The following TNKS variants were observed in gnomAD, a reference collection of about 807,000 sequenced individuals.
TNKS encodes the protein tankyrase.
TNKS carries 72 observed loss-of-function variants against 135.8 expected under a neutral mutation model. The observed-to-expected ratio is 0.53, with a 90% CI of 0.44 to 0.64. The LOEUF (loss-of-function observed/expected upper bound fraction) is 0.64. Among genes scored for constraint, TNKS ranks in the 30% least tolerant of loss-of-function variants. TNKS has a pLI of 0.00. For missense variants in TNKS, 1,769 were observed against 1,674.0 expected (o/e 1.06, Z -0.99); for synonymous variants, 849 against 649.3 (o/e 1.31, Z -4.68).
intron 2 of TNKS, among the ~76,000 whole-genome samples, chr8:9,600,432 G>C (rs1169684075): frequency 6.6e-6 from 1 of 152,080 alleles, no homozygotes; most frequent in Non-Finnish European, 1.5e-5. Context: ...TCCCACTTCA[G>C]CTTCCCAAGT....
chr8:9,756,708 A>C (rs6992418), intron 20 of TNKS, among the ~76,000 whole-genome samples: 1 of 152,164 alleles, frequency 6.6e-6, no homozygotes, highest in Non-Finnish European at 1.5e-5. Flanking sequence ...TTACCCAGCT[A>C]CAGAATTTTG....
At chr8:9,595,012 G>C (rs1017450321) in intron 2 of TNKS, among the ~76,000 whole-genome samples, 15 of 152,120 alleles carry the variant, frequency 9.9e-5, no homozygotes, top group African/African-American at 3.6e-4. Flanking sequence ...ATTCAGTGAA[G>C]CCTTGAAAAT....
chr8:9,590,995 C>T (rs1798570810), intron 2 of TNKS, among the ~76,000 whole-genome samples: 1 of 152,148 alleles, frequency 6.6e-6, no homozygotes, highest in African/African-American at 2.4e-5. Flanking sequence ...AACCCTAGAT[C>T]ATGATTTAAC....
chr8:9,717,956 A>C (rs749480760), intron 11 of TNKS, among the ~76,000 whole-genome samples: 58 of 152,282 alleles, frequency 3.8e-4, no homozygotes, highest in Non-Finnish European at 7.1e-4. Context: ...AAATACAAAC[A>C]ATACATTTTC....
At chr8:9,661,028 G>T (rs1163960891) in intron 3 of TNKS, among the ~76,000 whole-genome samples, 1 of 151,094 alleles carries the variant, frequency 6.6e-6, no homozygotes, top group Non-Finnish European at 1.5e-5. Flanking sequence ...ACTTACAAGG[G>T]ACGTGAAGGA....
intron 1 of TNKS, among the ~76,000 whole-genome samples, chr8:9,567,573 G>A (rs947353695): frequency 7.2e-5 from 11 of 151,962 alleles, no homozygotes; most frequent in Non-Finnish European, 1.5e-4. Flanking sequence ...CCGCCACCAC[G>A]CCCGGCTAAT....
At chr8:9,746,382 T>G (rs1806236647) in intron 17 of TNKS, among the ~76,000 whole-genome samples, 1 of 152,222 alleles carries the variant, frequency 6.6e-6, no homozygotes, top group Non-Finnish European at 1.5e-5. Flanking sequence ...GGGAAGAAGC[T>G]GAAGCCTTTT....
intron 17 of TNKS, among the ~76,000 whole-genome samples, chr8:9,747,033 C>T (rs1011431207): frequency 2.6e-5 from 4 of 151,826 alleles, no homozygotes; most frequent in African/African-American, 9.7e-5. Flanking sequence ...CAGGCATGCA[C>T]CACCATGCCC....
intron 3 of TNKS, among the ~76,000 whole-genome samples, chr8:9,652,537 A>C (rs1313713841): frequency 1.3e-5 from 2 of 152,166 alleles, no homozygotes; most frequent in African/African-American, 4.8e-5. Flanking sequence ...TTTTTGTTTA[A>C]ATAAAATATG....
intron 3 of TNKS, among the ~76,000 whole-genome samples, chr8:9,658,049 C>T (rs1433726863): frequency 1.3e-4 from 11 of 83,786 alleles, no homozygotes; most frequent in Admixed American, 7.7e-4. Context: ...GATGGGCGGC[C>T]GGGCAGAGAC....
chr8:9,684,083 T>A (rs1278300294), intron 5 of TNKS, among the ~76,000 whole-genome samples: 1 of 151,968 alleles, frequency 6.6e-6, no homozygotes, highest in Non-Finnish European at 1.5e-5. Flanking sequence ...GGGACATAGA[T>A]GTTATTTAGT....
rs575052754 is a variant in TNKS, at chr8:9,567,258, G to T, written c.673+10646G>T. 2.8e-4 allele frequency among the ~76,000 whole-genome samples: 43 copies of T among 152,224 alleles called. 1 individual carries two copies. In the South Asian group the frequency reaches 8.5e-3, roughly 30 times the overall value. On this transcript the variant is annotated intron_variant, in intron 1 of 26. Coordinates refer to ENST00000310430, the MANE Select transcript of TNKS (RefSeq NM_003747.3). Reference sequence around the variant, plus strand: ...TAAAGTAAAACTTTTTTGTAAGTATGGTATTGGAACATTTGCAGTTACTAG... The same window carrying T: ...TAAAGTAAAACTTTTTTGTAAGTATTGTATTGGAACATTTGCAGTTACTAG...
chr8:9,729,818 G>C (rs1805343520), intron 13 of TNKS, among the ~76,000 whole-genome samples: 1 of 113,946 alleles, frequency 8.8e-6, no homozygotes, highest in South Asian at 3.0e-4. Context: ...TCTGTCACCA[G>C]ACTAAAGTGC....
chr8:9,725,708 C>G (rs1159784605), intron 12 of TNKS, among the ~76,000 whole-genome samples: 1 of 152,210 alleles, frequency 6.6e-6, no homozygotes, highest in African/African-American at 2.4e-5. Flanking sequence ...TCCTGGAGAT[C>G]CATCCTTTTG....
At chr8:9,588,381 G>T (rs1291079316) in intron 2 of TNKS, among the ~76,000 whole-genome samples, 1 of 151,868 alleles carries the variant, frequency 6.6e-6, no homozygotes, top group African/African-American at 2.4e-5. Context: ...TTCACGCCAT[G>T]CTCTTGCCTC....
At chr8:9,610,818 TTAA>T (rs1461066278) in intron 2 of TNKS, among the ~76,000 whole-genome samples, 1 of 152,246 alleles carries the variant, frequency 6.6e-6, no homozygotes, top group Non-Finnish European at 1.5e-5. Flanking sequence ...TTAAAATTAG[TTAA>T]TAATGCCTGC....
intron 3 of TNKS, among the ~76,000 whole-genome samples, chr8:9,620,803 T>C (rs75681093): frequency 0.086 from 13,067 of 152,294 alleles, 590 homozygotes; most frequent in South Asian, 0.17. Flanking sequence ...CATCAGCCTA[T>C]TTGATTTCCT....
intron 5 of TNKS, among the ~76,000 whole-genome samples, chr8:9,692,471 A>G (rs1368617364): frequency 6.6e-6 from 1 of 152,236 alleles, no homozygotes; most frequent in East Asian, 1.9e-4. Context: ...TATGTTAAAC[A>G]GCCTTAGGTT....
chr8:9,748,195 C>G lies in TNKS; in HGVS notation c.2815C>G (p.Pro939Ala). The G allele has an allele frequency of 6.4e-7, 1 of 1,562,626 alleles. No homozygotes were observed. The highest frequency in any genetic ancestry group is 8.7e-7 in the Non-Finnish European group (1 of 1,154,160). ...PTMKNQEGQT[P>A]LDLATADDIR... ...CATGAAGAACCAGGAAGGCCAGACG[C>G]CTCTGGATCTGGCAACAGTAAGTCC... is the stretch of plus-strand genomic sequence containing the variant. The change falls in exon 18 of 27, where the codon CCT (proline) becomes GCT (alanine). Residue 939 changes from proline (P) to alanine (A), a missense_variant. By Grantham distance (27) the Pro-to-Ala change is conservative. Transcript: ENST00000310430.
Sources: gnomAD v4.1 joint callset for allele counts (sites outside exome capture counted in the v4.1 genomes callset) on GRCh38, gnomAD v4.1.1 for gene constraint, MANE v1.5 for transcripts, NCBI Gene and HGNC (gene_info 2026-07-23, HGNC 2026-07-21) for gene names.